GPC5: variants seen among roughly 807,000 people sequenced by gnomAD.
GPC5 encodes the protein glypican-5.
GPC5 carries 47 observed loss-of-function variants against 53.9 expected under a neutral mutation model. The observed-to-expected ratio is 0.87, with a 90% CI of 0.69 to 1.11. The LOEUF (loss-of-function observed/expected upper bound fraction) is 1.11, where lower values mean the gene tolerates loss of function less well. Ranked by LOEUF, GPC5 falls within the 50% of genes most tolerant of loss-of-function variation. The probability of loss-of-function intolerance (pLI) is 0.00; values close to 1 mark genes in which losing one functional copy is unlikely to be tolerated. For synonymous variants in GPC5, 286 were observed against 263.3 expected, an observed-to-expected ratio of 1.09 and a Z score of -0.84; for missense variants, 748 against 713.1, an observed-to-expected ratio of 1.05 and a Z score of -0.56.
intron 7 of GPC5, among the ~76,000 whole-genome samples, chr13:92,338,745 G>A (rs1361614913): frequency 1.3e-5 from 2 of 152,018 alleles, no homozygotes; most frequent in South Asian, 2.1e-4. Flanking sequence ...GGAGCAGGAG[G>A]GATGAAAGAT....
chr13:92,221,770 A>T (rs1462622426), intron 7 of GPC5, among the ~76,000 whole-genome samples: 1 of 152,120 alleles, frequency 6.6e-6, no homozygotes, highest in Non-Finnish European at 1.5e-5. Flanking sequence ...GTAAAGAATC[A>T]CTAGAATCCA....
chr13:91,524,566 C>T (rs1338168593), intron 2 of GPC5, among the ~76,000 whole-genome samples: 1 of 151,980 alleles, frequency 6.6e-6, no homozygotes, highest in African/African-American at 2.4e-5. Flanking sequence ...ATATTCTGTT[C>T]ATATACTGAT....
chr13:91,917,694 A>T (rs1205953383), intron 6 of GPC5, among the ~76,000 whole-genome samples: 2 of 152,236 alleles, frequency 1.3e-5, no homozygotes, highest in East Asian at 3.9e-4. Flanking sequence ...GGGCAGGGGC[A>T]AAATTCTTTC....
At chr13:91,881,865 C>T (rs1317259698) in intron 5 of GPC5, among the ~76,000 whole-genome samples, 2 of 152,072 alleles carry the variant, frequency 1.3e-5, no homozygotes, top group Non-Finnish European at 2.9e-5. Context: ...AATCTGTCAG[C>T]CTTAAGACAG....
intron 3 of GPC5, among the ~76,000 whole-genome samples, chr13:91,726,644 A>T (rs1386300288): frequency 4.6e-5 from 7 of 152,110 alleles, no homozygotes; most frequent in Admixed American, 4.6e-4. Flanking sequence ...TTTGCCCATC[A>T]TCACTGTTCT....
chr13:92,384,303 A>G (rs1461916662), intron 7 of GPC5, among the ~76,000 whole-genome samples: 1 of 152,148 alleles, frequency 6.6e-6, no homozygotes, highest in Non-Finnish European at 1.5e-5. Context: ...TTCCTGCTGC[A>G]AGACTCTGAA....
intron 2 of GPC5, among the ~76,000 whole-genome samples, chr13:91,496,081 T>C (rs13378136): frequency 0.095 from 14,429 of 152,120 alleles, 858 homozygotes; most frequent in African/African-American, 0.17. Context: ...TAATCTTTTA[T>C]AGCTGACTCT....
At chr13:91,472,868 T>A (rs497795) in intron 2 of GPC5, among the ~76,000 whole-genome samples, 75,295 of 151,998 alleles carry the variant, frequency 0.5, 19,773 homozygotes, top group Non-Finnish European at 0.6. Flanking sequence ...TATCATTTTT[T>A]TCTGGACCTG....
At chr13:92,240,782 A>T (rs1054835964) in intron 7 of GPC5, 1 of 152,094 alleles carries the variant, frequency 6.6e-6, no homozygotes, top group African/African-American at 2.4e-5. Flanking sequence ...GGGATTACAG[A>T]TGTGAGTCAC....
chr13:92,216,240 T>C (rs1417502547), intron 7 of GPC5, among the ~76,000 whole-genome samples: 1 of 152,174 alleles, frequency 6.6e-6, no homozygotes, highest in Admixed American at 6.5e-5. Flanking sequence ...AGATTAAAAA[T>C]AGAGTAATCG....
At chr13:92,100,989 T>C (rs897421362) in intron 6 of GPC5, among the ~76,000 whole-genome samples, 1 of 151,806 alleles carries the variant, frequency 6.6e-6, no homozygotes, top group Non-Finnish European at 1.5e-5. Flanking sequence ...TCTTGAAATA[T>C]ATCTATCCCC....
rs376378288 is a variant in GPC5 at position 92,030,896 on chromosome 13, A to G, written c.1402-113934A>G. 5.3e-5 allele frequency among the ~76,000 whole-genome samples: 8 copies of G among 152,304 alleles called. No individual in the cohort carries two copies. The South Asian group carries it at 1.7e-3, about 32-fold the overall frequency. Reference sequence around the variant, plus strand: ...TGCTGAGTTTTTTTCTTTTTGCCCAATAAATTCCATTTTACTCACCCTTCA... The same window carrying G: ...TGCTGAGTTTTTTTCTTTTTGCCCAGTAAATTCCATTTTACTCACCCTTCA... On this transcript the variant is annotated intron_variant, in intron 6 of 7. Coordinates refer to ENST00000377067, the MANE Select transcript of GPC5 (RefSeq NM_004466.6).
chr13:92,220,737 CCATTAATT>C (rs2042442707), intron 7 of GPC5, among the ~76,000 whole-genome samples: 1 of 151,744 alleles, frequency 6.6e-6, no homozygotes, highest in South Asian at 2.1e-4. Context: ...TCATTGTTTC[CCATTAATT>C]CATTTGTCAT....
intron 7 of GPC5, among the ~76,000 whole-genome samples, chr13:92,751,221 C>T (rs1036840011): frequency 7.2e-6 from 1 of 139,306 alleles, no homozygotes; most frequent in Admixed American, 7.9e-5. Flanking sequence ...TGTTTTTTGC[C>T]TGTGACAATG....
At chr13:92,443,033 C>G (rs1197150974) in intron 7 of GPC5, among the ~76,000 whole-genome samples, 1 of 152,130 alleles carries the variant, frequency 6.6e-6, no homozygotes. Flanking sequence ...TTAATTTTGG[C>G]TCACAACCCT....
At chr13:92,490,967 G>A (rs772422838) in intron 7 of GPC5, among the ~76,000 whole-genome samples, 1 of 152,046 alleles carries the variant, frequency 6.6e-6, no homozygotes, top group African/African-American at 2.4e-5. Flanking sequence ...CATGCAGGGG[G>A]TACAGAATGA....
intron 6 of GPC5, among the ~76,000 whole-genome samples, chr13:92,047,701 G>T (rs1361358450): frequency 6.1e-5 from 9 of 148,656 alleles, no homozygotes; most frequent in Non-Finnish European, 1.2e-4. Context: ...ATTAAGAAAT[G>T]ACGTATTTCC....
chr13:91,602,826 C>A (rs1391290197), intron 2 of GPC5, among the ~76,000 whole-genome samples: 1 of 152,030 alleles, frequency 6.6e-6, no homozygotes, highest in African/African-American at 2.4e-5. Flanking sequence ...AAGAAATAAT[C>A]TTTTTTCTTC....
At chr13:91,658,382 G>T (rs985068207) in intron 2 of GPC5, among the ~76,000 whole-genome samples, 1 of 140,506 alleles carries the variant, frequency 7.1e-6, no homozygotes, top group African/African-American at 3.1e-5. Context: ...TATTTTGGGG[G>T]AATTTTTTGG....
Sources: allele counts gnomAD v4.1 joint callset (sites outside exome capture counted in the v4.1 genomes callset), GRCh38; gene constraint gnomAD v4.1.1; transcripts MANE v1.5; gene names NCBI Gene and HGNC (gene_info 2026-07-23, HGNC 2026-07-21).